The following OR2L13 variants were observed in gnomAD, a reference collection of about 807,000 sequenced individuals.
OR2L13 encodes the protein olfactory receptor 2L13.
OR2L13 carries 14 observed loss-of-function variants against 15.3 expected under a neutral mutation model. The observed-to-expected ratio is 0.91, with a 90% confidence interval of 0.60 to 1.43. The LOEUF (loss-of-function observed/expected upper bound fraction) is 1.43, where lower values mean the gene tolerates loss of function less well. OR2L13 is among the 40% of genes most tolerant of loss of function. The probability of loss-of-function intolerance (pLI) is 0.00; values close to 1 mark genes in which losing one functional copy is unlikely to be tolerated. For missense variants in OR2L13, 367 were observed against 387.9 expected (o/e 0.95, Z 0.45); for synonymous variants, 152 against 142.9 (o/e 1.06, Z -0.45).
the OR2L13 span, among the ~76,000 whole-genome samples, chr1:248,076,234 G>C: frequency 6.6e-6 from 1 of 151,178 alleles, no homozygotes; most frequent in Non-Finnish European, 1.5e-5. Flanking sequence ...GTACCGTGCT[G>C]CTTTGGTTAC....
chr1:248,080,369 G>C, the OR2L13 span, among the ~76,000 whole-genome samples: 1 of 152,076 alleles, frequency 6.6e-6, no homozygotes, highest in Non-Finnish European at 1.5e-5. Flanking sequence ...ATGGTGGTTT[G>C]CTGCACCCAT....
In OR2L13 at chr1:248,100,069, G is replaced by A; in HGVS notation, c.694G>A (p.Gly232Arg). 3 of 1,613,928 alleles carry A rather than the reference G, an allele frequency of 1.9e-6. No individual in the cohort carries two copies. The Admixed American group carries it at 5.0e-5, about 27-fold the overall frequency. Residue 232 changes from glycine to arginine, a missense_variant, in exon 3 of 3, where the codon GGG becomes AGG. Transcript: ENST00000641714. ...TGTCTATCATATGCACTCAAAGGAG[G>A]GGAGAAAAAAGGCCTTCACCACCAT...
chr1:248,072,472 T>G, the OR2L13 span, among the ~76,000 whole-genome samples: 1 of 151,988 alleles, frequency 6.6e-6, no homozygotes, highest in Non-Finnish European at 1.5e-5. Context: ...ATACAAAAAT[T>G]AATTCAAGAT....
chr1:248,024,296 A>T, the OR2L13 span: 1 of 152,178 alleles, frequency 6.6e-6, no homozygotes, highest in Non-Finnish European at 1.5e-5. Context: ...GTAGGTTTTA[A>T]TATTATGTGT....
chr1:248,079,953 G>A, the OR2L13 span, among the ~76,000 whole-genome samples: 1 of 152,020 alleles, frequency 6.6e-6, no homozygotes, highest in South Asian at 2.1e-4. Flanking sequence ...GAAGATATTG[G>A]GTAAAATATT....
chr1:247,956,979 A>G, the OR2L13 span, among the ~76,000 whole-genome samples: 11 of 152,108 alleles, frequency 7.2e-5, no homozygotes. Context: ...TTCCAACACT[A>G]TGTTGAATAG....
chr1:247,994,347 A>T, the OR2L13 span, among the ~76,000 whole-genome samples: 1 of 152,114 alleles, frequency 6.6e-6, no homozygotes, highest in Non-Finnish European at 1.5e-5. Context: ...CAGTGAGCTG[A>T]TATCGCTCCA....
chr1:247,970,699 G>C, the OR2L13 span, among the ~76,000 whole-genome samples: 3 of 152,174 alleles, frequency 2.0e-5, no homozygotes, highest in Non-Finnish European at 4.4e-5. Flanking sequence ...TAAATTTCTA[G>C]GTGAGTCACT....
chr1:248,022,089 ATCT>A, the OR2L13 span: 3 of 1,613,694 alleles, frequency 1.9e-6, no homozygotes, highest in Non-Finnish European at 2.5e-6. Flanking sequence ...GATTCTTCTC[ATCT>A]TCTTGGACAC....
the OR2L13 span, among the ~76,000 whole-genome samples, chr1:248,018,932 ATAATG>A: frequency 7.2e-5 from 11 of 152,336 alleles, no homozygotes; most frequent in Non-Finnish European, 1.5e-4. Context: ...TTCACTTTGC[ATAATG>A]TAATCAAAGT....
the OR2L13 span, among the ~76,000 whole-genome samples, chr1:247,939,813 A>G: frequency 6.6e-6 from 1 of 152,128 alleles, no homozygotes; most frequent in East Asian, 1.9e-4. Flanking sequence ...CTAAAAATGT[A>G]TTGTTCCTCT....
chr1:248,073,977 G>A, the OR2L13 span, among the ~76,000 whole-genome samples: 4 of 151,752 alleles, frequency 2.6e-5, no homozygotes, highest in East Asian at 5.8e-4. Context: ...TGTATAAAAC[G>A]GAATTATATA....
At chr1:248,054,866 A>G in the OR2L13 span, among the ~76,000 whole-genome samples, 2 of 152,212 alleles carry the variant, frequency 1.3e-5, no homozygotes, top group Non-Finnish European at 2.9e-5. Flanking sequence ...TTTTCTAGAT[A>G]GAATCATATC....
At chr1:248,046,816 T>C in the OR2L13 span, 1 of 152,172 alleles carries the variant, frequency 6.6e-6, no homozygotes, top group Admixed American at 6.5e-5. Context: ...GTTTCTATGA[T>C]GACTGTAGGA....
chr1:248,029,498 A>G, the OR2L13 span, among the ~76,000 whole-genome samples: 10 of 152,280 alleles, frequency 6.6e-5, no homozygotes, highest in South Asian at 1.2e-3. Flanking sequence ...AGTAATAACA[A>G]CATTTTATTA....
the OR2L13 span, chr1:247,990,969 G>A: frequency 1.3e-6 from 2 of 1,486,738 alleles, no homozygotes; most frequent in South Asian, 1.1e-5. Flanking sequence ...AAGGGAGGAA[G>A]AAGGCCTATT....
the OR2L13 span, among the ~76,000 whole-genome samples, chr1:247,972,642 CAAAACA>C: frequency 4.9e-5 from 2 of 41,072 alleles, no homozygotes; most frequent in African/African-American, 3.9e-5. Context: ...AAAAACAAAA[CAAAACA>C]AAAAAAACCC....
the OR2L13 span, among the ~76,000 whole-genome samples, chr1:248,026,286 C>T: frequency 6.6e-6 from 1 of 152,174 alleles, no homozygotes; most frequent in South Asian, 2.1e-4. Context: ...ACTGTGCAGT[C>T]CACTTATGTG....
chr1:247,958,392 G>A, the OR2L13 span, among the ~76,000 whole-genome samples: 1 of 152,132 alleles, frequency 6.6e-6, no homozygotes, highest in Admixed American at 6.5e-5. Flanking sequence ...TAGGTGTGTT[G>A]TGGTGCTGAA....
Sources: allele counts gnomAD v4.1 joint callset (sites outside exome capture counted in the v4.1 genomes callset), GRCh38; gene constraint gnomAD v4.1.1; transcripts MANE v1.5; gene names NCBI Gene and HGNC (gene_info 2026-07-23, HGNC 2026-07-21).